MED17: variants seen among roughly 807,000 people sequenced by gnomAD.
MED17 encodes mediator of RNA polymerase II transcription subunit 17.
A neutral mutation model predicts 80.8 loss-of-function variants in MED17; 49 were observed. The ratio of observed to expected loss-of-function variants is 0.61; its 90% CI spans 0.48 to 0.77. The LOEUF is 0.77. Ranked by LOEUF, MED17 falls within the 30% of genes least tolerant of loss-of-function variation. MED17 has a pLI of 0.00. For synonymous variants in MED17, 281 were observed against 280.4 expected, an observed-to-expected ratio of 1.00 and a Z score of -0.02; for missense variants, 718 against 787.0, an observed-to-expected ratio of 0.91 and a Z score of 1.05.
chr11:93,800,162 A>G (rs1943946938), intron 8 of MED17, among the ~76,000 whole-genome samples: 1 of 152,178 alleles, frequency 6.6e-6, no homozygotes, highest in Admixed American at 6.5e-5. Flanking sequence ...TGTCAGGGAA[A>G]CACATCAAGG....
chr11:93,793,563 C>T, intron 3 of MED17, 165 bp from the exon 4 acceptor site: 1 of 568,238 alleles, frequency 1.8e-6, no homozygotes, highest in South Asian at 2.3e-5. Context: ...ATCTTTCTTT[C>T]CTTTGTTCAC....
chr11:93,801,510 G>A (rs747848121), intron 8 of MED17: 6 of 324,246 alleles, frequency 1.9e-5, no homozygotes, highest in Admixed American at 4.5e-5. Context: ...GTAGAATATC[G>A]AATATCCTTC....
chr11:93,814,141 C>T lies in MED17; in HGVS notation c.*2077C>T, dbSNP rs1442226516. The T allele has an allele frequency of 2.0e-5, 3 of 152,102 alleles. No homozygotes were observed. The highest frequency in any genetic ancestry group is 6.5e-5 in the Admixed American group (1 of 15,268). 9.4% of individuals were successfully genotyped at this position (152,102 alleles called of 1,614,324 possible). A position where few individuals can be genotyped will look rare whatever the true frequency, so the allele number is the denominator to read the frequency against. On this transcript the variant is annotated 3_prime_UTR_variant, in exon 12 of 12. Coordinates refer to ENST00000251871, the MANE Select transcript of MED17 (RefSeq NM_004268.5). ...CTGAGAATACATGTGCAGATACTACCGTCTGTTCTTTTAAACCCCATCTGA... is the reference window on the plus strand; with the variant it reads ...CTGAGAATACATGTGCAGATACTACTGTCTGTTCTTTTAAACCCCATCTGA...
intron 9 of MED17, among the ~76,000 whole-genome samples, chr11:93,805,209 A>G (rs1944011419): frequency 6.6e-6 from 1 of 152,144 alleles, no homozygotes; most frequent in Non-Finnish European, 1.5e-5. Flanking sequence ...GTTGTTGAAC[A>G]TTTTTGTCGA....
intron 10 of MED17, chr11:93,808,931 T>G (rs1347624332): frequency 6.5e-6 from 1 of 152,934 alleles, no homozygotes; most frequent in Non-Finnish European, 1.5e-5. Flanking sequence ...GGTGACAAAA[T>G]GCATTCTAAA....
Position 93,811,957 on chromosome 11 carries a change from C to T in MED17, c.1849C>T (p.His617Tyr), listed in dbSNP as rs1281944341. 6.2e-7 allele frequency: 1 copy of T among 1,613,862 alleles called. No individual in the cohort carries two copies. ...SDVLQDNKWS[H>Y]LRGPFKEVQW... ...TGTTTTACAAGATAACAAATGGAGT[C>T]ATCTTCGTGGGCCATTCAAAGAAGT... Residue 617 changes from histidine to tyrosine, a missense_variant, in exon 12 of 12, where the codon CAT becomes TAT. Transcript: ENST00000251871.
In MED17 at chr11:93,811,950, A is replaced by G. The variant is rs781270529; in HGVS notation, c.1842A>G (p.Lys614=). 5.0e-6 allele frequency: 8 copies of G among 1,613,968 alleles called. No homozygotes were observed. Among genetic ancestry groups the G allele is most frequent in the Non-Finnish European group, 6.8e-6 (8 of 1,179,862 alleles). The change falls in exon 12 of 12, where the codon AAA becomes AAG. Residue 614 remains lysine (K), a synonymous_variant. Transcript: ENST00000251871. ...LPKSDVLQDN[K]WSHLRGPFKE... is the part of the protein sequence containing the mutation. Reference sequence around the variant, plus strand: ...AAAGTGATGTTTTACAAGATAACAAATGGAGTCATCTTCGTGGGCCATTCA... The same window carrying G: ...AAAGTGATGTTTTACAAGATAACAAGTGGAGTCATCTTCGTGGGCCATTCA...
intron 9 of MED17, 66 bp from the exon 10 acceptor site, chr11:93,807,449 TTTA>T: frequency 2.2e-6 from 2 of 896,538 alleles, no homozygotes; most frequent in Non-Finnish European, 3.8e-6. Context: ...GATGTTAACG[TTTA>T]TTATTTATGA....
chr11:93,784,914 T>C, intron 1 of MED17, 151 bp downstream of exon 1: 1 of 1,159,784 alleles, frequency 8.6e-7, no homozygotes, highest in Non-Finnish European at 1.2e-6. Flanking sequence ...GTCGTCATCT[T>C]TTTGTTGCTG....
rs758602957 is a variant in MED17, at chr11:93,812,358, A to T, written c.*294A>T. Reference sequence around the variant, plus strand: ...AGGGTTTCTATGTGCTTTTTAAAATATTCCTTCTTTGATGTTGACATCAAA... The same window carrying T: ...AGGGTTTCTATGTGCTTTTTAAAATTTTCCTTCTTTGATGTTGACATCAAA... On this transcript the variant is annotated 3_prime_UTR_variant, in exon 12 of 12. Coordinates refer to ENST00000251871, the MANE Select transcript of MED17 (RefSeq NM_004268.5). 5.8e-6 allele frequency: 3 copies of T among 517,346 alleles called. No individual in the cohort carries two copies. The highest frequency in any genetic ancestry group is 1.0e-5 in the Non-Finnish European group (3 of 296,954). 32.0% of individuals were successfully genotyped at this position (517,346 alleles called of 1,614,324 possible).
chr11:93,812,040 T>C lies in MED17; in HGVS notation c.1932T>C (p.Ser644=). 2 of 1,614,104 alleles carry C rather than the reference T, an allele frequency of 1.2e-6. No individual in the cohort carries two copies. The highest frequency in any genetic ancestry group is 1.7e-6 in the Non-Finnish European group (2 of 1,179,978). Residue 644 remains serine, a synonymous_variant, in exon 12 of 12, where the codon TCT becomes TCC. Transcript: ENST00000251871. ...TTTATAAAATGGAGCTGCTTATGTCTGCACTTAGCCCTTGTCTACTATGAT... is the reference window on the plus strand; with the variant it reads ...TTTATAAAATGGAGCTGCTTATGTCCGCACTTAGCCCTTGTCTACTATGAT... ...NFVYKMELLM[S]ALSPCLL
rs147674214 is a variant in MED17, at chr11:93,784,637, C to T, written c.124C>T (p.Arg42Cys). Residue 42 changes from arginine to cysteine, a missense_variant, in exon 1 of 12, where the codon CGT (arginine) becomes TGT (cysteine). Coordinates refer to ENST00000251871, the MANE Select transcript of MED17 (RefSeq NM_004268.5). ...PPLSMSQNLA[R>C]LAQRIDFSQG... ...GCTGTCCATGTCGCAGAATCTGGCG[C>T]GTCTGGCCCAGCGGATAGACTTCAG... 3.0e-5 allele frequency: 47 copies of T among 1,581,374 alleles called. No individual in the cohort carries two copies. The highest frequency in any genetic ancestry group is 3.9e-5 in the Non-Finnish European group (46 of 1,164,886).
In MED17 at chr11:93,805,190, C is replaced by T. The variant is rs551905633; in HGVS notation, c.1467-2328C>T. On this transcript the variant is annotated intron_variant, in intron 9 of 11. Transcript: ENST00000251871. The stretch of plus-strand genomic sequence containing the variant: ...TCATTGTATGTCCCACACTGTTAAT[C>T]GGTCTTCTGTTGTTGAACATTTTTG... 2.6e-5 allele frequency among the ~76,000 whole-genome samples: 4 copies of T among 152,248 alleles called. No homozygotes were observed. The South Asian group carries it at 8.3e-4, about 32-fold the overall frequency.
rs2135713275 is a variant in MED17, at chr11:93,794,045, T to C, written c.859+10T>C. On this transcript the variant is annotated intron_variant, in intron 5 of 11. Transcript: ENST00000251871. The stretch of plus-strand genomic sequence containing the variant: ...CCCAAATCCAAACCAGGTATGGTTA[T>C]GTTCTATTCTCTAATTTCTGGTCTT... 6 of 1,599,716 alleles carry C rather than the reference T, an allele frequency of 3.8e-6. No individual in the cohort carries two copies. Among genetic ancestry groups the C allele is most frequent in the African/African-American group, 1.3e-5 (1 of 74,704 alleles).
At chr11:93,807,059 T>A (rs1470998446) in intron 9 of MED17, 1 of 180,778 alleles carries the variant, frequency 5.5e-6, no homozygotes, top group Non-Finnish European at 1.2e-5. Context: ...TGAGTCTGTT[T>A]AGTTGAACCT....
intron 10 of MED17, chr11:93,808,720 T>C (rs961932945): frequency 6.6e-6 from 1 of 152,126 alleles, no homozygotes; most frequent in Non-Finnish European, 1.5e-5. Context: ...ATGGCAGCTC[T>C]TGGCTGATTA....
Position 93,784,509 on chromosome 11 carries a change from C to G in MED17, c.-5C>G, listed in dbSNP as rs1943746417. ...GTCCTCCCACCGCTGGCCGACGCAG[C>G]CAGCATGTCCGGGGTGCGCGCAGTG... On this transcript the variant is annotated 5_prime_UTR_variant, in exon 1 of 12. Coordinates refer to ENST00000251871, the MANE Select transcript of MED17 (RefSeq NM_004268.5). 1.3e-6 allele frequency: 2 copies of G among 1,595,350 alleles called. No homozygotes were observed. Among genetic ancestry groups the G allele is most frequent in the Admixed American group, 1.7e-5 (1 of 59,440 alleles).
chr11:93,792,219 C>T (rs1943844701), intron 3 of MED17, among the ~76,000 whole-genome samples: 1 of 151,990 alleles, frequency 6.6e-6, no homozygotes, highest in Non-Finnish European at 1.5e-5. Context: ...CCAGAGTAAG[C>T]TATCATTATC....
At chr11:93,796,730 C>T (rs530216292) in intron 7 of MED17, among the ~76,000 whole-genome samples, 190 bp downstream of exon 7, 7 of 152,290 alleles carry the variant, frequency 4.6e-5, no homozygotes, top group Non-Finnish European at 8.8e-5. Flanking sequence ...TGTTCCCAAA[C>T]ATACCTTCTA....
Sources: gnomAD v4.1 joint callset for allele counts (sites outside exome capture counted in the v4.1 genomes callset) on GRCh38, gnomAD v4.1.1 for gene constraint, MANE v1.5 for transcripts, NCBI Gene and HGNC (gene_info 2026-07-23, HGNC 2026-07-21) for gene names.